The following DAB2IP variants were observed in gnomAD, a reference collection of about 807,000 sequenced individuals.
DAB2IP encodes the protein DAB2 interacting protein, also known as disabled homolog 2-interacting protein.
Under a neutral mutation model 107.2 loss-of-function variants are expected in DAB2IP, and 28 were observed. The observed-to-expected ratio is 0.26, with a 90% CI of 0.19 to 0.36. The LOEUF (loss-of-function observed/expected upper bound fraction) is 0.36, where lower values mean the gene tolerates loss of function less well. Ranked by LOEUF, DAB2IP falls within the 10% of genes least tolerant of loss-of-function variation. The pLI, the probability that DAB2IP is intolerant of heterozygous loss-of-function variation, is 1.00. For missense variants in DAB2IP, 1,400 were observed against 1,644.7 expected (o/e 0.85, Z 2.57); for synonymous variants, 755 against 706.4 (o/e 1.07, Z -1.09).
rs890568183 is a variant in DAB2IP, at chr9:121,702,203, G to GT, written c.362+2752dup. Among the ~76,000 whole-genome samples, 3 of 152,178 alleles carry GT rather than the reference G, an allele frequency of 2.0e-5. No homozygotes were observed. The highest frequency in any genetic ancestry group is 2.4e-5 in the African/African-American group (1 of 41,434). ...CGCAAGCTGCTGTGTTGGGGAGGTG[G>GT]TTTTTTTGCGCTGGAATTCTCTCAT... On this transcript the variant is annotated intron_variant, in intron 3 of 15. Coordinates refer to ENST00000408936, the Ensembl canonical transcript of DAB2IP. The surrounding 1 kb of genome is among the most constrained non-coding windows in gnomAD (Gnocchi z 4.5).
At position 121,635,187 on chromosome 9, in the gene DAB2IP, C is replaced by T. The variant is rs930375314; in HGVS notation, c.41-43491C>T. On this transcript the variant is annotated intron_variant, in intron 1 of 16. Coordinates refer to the DAB2IP transcript ENST00000259371. This position sits in a 1 kb window ranked among gnomAD's most constrained non-coding sequence, Gnocchi z 4.3. ...AGGTCAGCAGGTGGAGAAAGAGAGC[C>T]GTGTGTGGGGTCAAGGAGACCCTGG... Among the ~76,000 whole-genome samples, 2 of 152,080 alleles carry T rather than the reference C, an allele frequency of 1.3e-5. No individual in the cohort carries two copies. The highest frequency in any genetic ancestry group is 2.4e-5 in the African/African-American group (1 of 41,400).
intron 1 of DAB2IP, among the ~76,000 whole-genome samples, chr9:121,656,610 G>A (rs1256331311): frequency 6.6e-6 from 1 of 152,286 alleles, no homozygotes; most frequent in East Asian, 1.9e-4. Context: ...CAAGGATTGG[G>A]GAGCTCACTC....
chr9:121,700,620 G>C (rs1381306090), intron 3 of DAB2IP, among the ~76,000 whole-genome samples: 3 of 152,220 alleles, frequency 2.0e-5, no homozygotes, highest in Admixed American at 6.5e-5. Context: ...GTTCTAGCGG[G>C]CAGAGGAGTA....
intron 1 of DAB2IP, among the ~76,000 whole-genome samples, chr9:121,596,046 C>T (rs368239286): frequency 1.3e-5 from 2 of 152,008 alleles, no homozygotes; most frequent in African/African-American, 4.8e-5. Flanking sequence ...TTAGGCCAGG[C>T]GCGGTGGCTC....
chr9:121,757,916 G>A (rs139117033), intron 4 of DAB2IP, among the ~76,000 whole-genome samples: 117 of 152,324 alleles, frequency 7.7e-4, no homozygotes, highest in African/African-American at 2.7e-3. Flanking sequence ...AGCCACTTGG[G>A]GACTAGTGTG....
intron 3 of DAB2IP, chr9:121,737,365 A>G (rs1327667649): frequency 1.0e-6 from 1 of 985,348 alleles, no homozygotes; most frequent in East Asian, 1.1e-4. Context: ...AGATGTTGTC[A>G]TCACTGTGTT....
intron 1 of DAB2IP, among the ~76,000 whole-genome samples, chr9:121,613,826 T>C (rs1357987891): frequency 6.6e-6 from 1 of 152,244 alleles, no homozygotes; most frequent in African/African-American, 2.4e-5. Flanking sequence ...TATGCACTTG[T>C]TGGAGAAATT....
At chr9:121,569,976 G>T (rs931586660) in intron 1 of DAB2IP, among the ~76,000 whole-genome samples, 1 of 152,164 alleles carries the variant, frequency 6.6e-6, no homozygotes. Flanking sequence ...TTGTGTGTGT[G>T]TGGAGATGGG....
At chr9:121,602,035 G>T (rs556292614) in intron 1 of DAB2IP, among the ~76,000 whole-genome samples, 1 of 152,028 alleles carries the variant, frequency 6.6e-6, no homozygotes, top group South Asian at 2.1e-4. Flanking sequence ...TAAACCACCC[G>T]CCACTCCCAC....
At chr9:121,721,832 C>T (rs1357659307) in intron 3 of DAB2IP, among the ~76,000 whole-genome samples, 1 of 152,126 alleles carries the variant, frequency 6.6e-6, no homozygotes, top group African/African-American at 2.4e-5. Context: ...GGGGAGGGGG[C>T]ACCTGGACAG....
chr9:121,613,430 T>C (rs1355289026), intron 1 of DAB2IP, among the ~76,000 whole-genome samples: 1 of 152,220 alleles, frequency 6.6e-6, no homozygotes, highest in African/African-American at 2.4e-5. Flanking sequence ...AATTACCAAA[T>C]TGAATTGCGG....
chr9:121,610,534 A>T (rs1411887187), intron 1 of DAB2IP, among the ~76,000 whole-genome samples: 1 of 152,140 alleles, frequency 6.6e-6, no homozygotes, highest in Non-Finnish European at 1.5e-5. Flanking sequence ...CCCAACTCCA[A>T]AGCCTCTCGT....
intron 1 of DAB2IP, among the ~76,000 whole-genome samples, chr9:121,602,645 G>A (rs1297537553): frequency 6.6e-6 from 1 of 152,002 alleles, no homozygotes; most frequent in South Asian, 2.1e-4. Context: ...GCGTGATCTC[G>A]GCTCACTGCA....
intron 2 of DAB2IP, among the ~76,000 whole-genome samples, chr9:121,691,450 G>C (rs1026456005): frequency 7.9e-5 from 12 of 151,642 alleles, no homozygotes; most frequent in African/African-American, 2.9e-4. Flanking sequence ...GGTGGTCAAA[G>C]GAAGTGATAG....
At chr9:121,672,832 T>G (rs1403581109) in intron 1 of DAB2IP, among the ~76,000 whole-genome samples, 1 of 152,232 alleles carries the variant, frequency 6.6e-6, no homozygotes, top group Non-Finnish European at 1.5e-5. Flanking sequence ...GCAGATTCAC[T>G]TCACCTCTCT....
chr9:121,642,667 G>T (rs1832404208), intron 1 of DAB2IP, among the ~76,000 whole-genome samples: 1 of 149,610 alleles, frequency 6.7e-6, no homozygotes, highest in South Asian at 2.1e-4. Context: ...CTCCCTTCAT[G>T]CACCTCGTTC....
intron 2 of DAB2IP, among the ~76,000 whole-genome samples, chr9:121,695,861 GTTTT>G (rs1430386204): frequency 6.6e-6 from 1 of 152,048 alleles, no homozygotes; most frequent in African/African-American, 2.4e-5. Context: ...TCAGTTTTTC[GTTTT>G]TGTTTTTGTT....
intron 3 of DAB2IP, among the ~76,000 whole-genome samples, chr9:121,717,095 G>A (rs942929174): frequency 3.9e-5 from 6 of 152,190 alleles, no homozygotes; most frequent in African/African-American, 1.2e-4. Flanking sequence ...AGCCCCGGGG[G>A]AATCTTGCCC....
rs149496564 is a variant in DAB2IP, at chr9:121,642,049, T to C, written c.41-36629T>C. 8.0e-3 allele frequency among the ~76,000 whole-genome samples: 355 copies of C among 44,264 alleles called. 7 individuals are homozygous for C. Among genetic ancestry groups the C allele is most frequent in the African/African-American group, 0.034 (301 of 8,926 alleles). 29.0% of individuals were successfully genotyped at this position (44,264 alleles called of 152,430 possible). ...TCTCTCTCTTTCTTTCTTTCTTTCT[T>C]TCTTTCTTTCTTTCTTTCTTTCTTT... On this transcript the variant is annotated intron_variant, in intron 1 of 16. Coordinates refer to the DAB2IP transcript ENST00000259371.
Sources: gnomAD v4.1 joint callset for allele counts (sites outside exome capture counted in the v4.1 genomes callset) on GRCh38, gnomAD v4.1.1 for gene constraint, Gnocchi (gnomAD v3.1) non-coding constraint, MANE v1.5 for transcripts, NCBI Gene and HGNC (gene_info 2026-07-23, HGNC 2026-07-21) for gene names.